SZT2: variants seen among roughly 807,000 people sequenced by gnomAD.
The protein encoded by SZT2 is SZT2 subunit of KICSTOR complex.
Under a neutral mutation model 404.2 loss-of-function variants are expected in SZT2, and 216 were observed. The ratio of observed to expected loss-of-function variants is 0.53; its 90% confidence interval spans 0.48 to 0.60. SZT2 has a LOEUF of 0.60. Among genes scored for constraint, SZT2 ranks in the 20% least tolerant of loss-of-function variants. SZT2 has a pLI of 0.00. For synonymous variants in SZT2, 1,693 were observed against 1,749.9 expected (o/e 0.97, Z 0.81); for missense variants, 3,857 against 4,459.2 (o/e 0.86, Z 3.85).
At position 43,443,425 on chromosome 1, in the gene SZT2, C is replaced by T; in HGVS notation, c.8573C>T (p.Pro2858Leu). Residue 2858 changes from proline (P) to leucine (L), a missense_variant, in exon 61 of 72, where the codon CCA (proline) becomes CTA (leucine). Physicochemically the swap from Pro to Leu is moderately conservative, Grantham distance 98. Around this residue, in one of 7 missense-constraint regions of SZT2, gnomAD observed 717 missense variants for 868.2 expected, o/e 0.83. Transcript: ENST00000634258. ...HYCATAMLFD[P>L]AAWLHGPPET... ...TGTGCAACAGCCATGCTCTTCGACCCAGCTGCCTGGCTGCATGGGCCCCCA... is the reference window on the plus strand; with the variant it reads ...TGTGCAACAGCCATGCTCTTCGACCTAGCTGCCTGGCTGCATGGGCCCCCA... The T allele has an allele frequency of 6.2e-7, 1 of 1,614,222 alleles. No individual in the cohort carries two copies. Among genetic ancestry groups the T allele is most frequent in the Non-Finnish European group, 8.5e-7 (1 of 1,180,030 alleles).
At position 43,451,533 on chromosome 1, in the gene SZT2, C is replaced by T. The variant is rs749461654; in HGVS notation, c.*1053C>T. On this transcript the variant is annotated 3_prime_UTR_variant, in exon 72 of 72. Coordinates refer to ENST00000634258, the MANE Select transcript of SZT2 (RefSeq NM_001365999.1). The stretch of plus-strand genomic sequence containing the variant: ...TCCCCTCGGCCTGGGACCTGTGCCA[C>T]CTGCACATGCCCTGGGGACAGATGT... 1.9e-6 allele frequency: 3 copies of T among 1,614,042 alleles called. No individual in the cohort carries two copies. Among genetic ancestry groups the T allele is most frequent in the South Asian group, 1.1e-5 (1 of 91,070 alleles).
rs774344645 is a variant in SZT2, at chr1:43,450,946, C to G, written c.*466C>G. 1.3e-6 allele frequency: 1 copy of G among 759,310 alleles called. No homozygotes were observed. Among genetic ancestry groups the G allele is most frequent in the Admixed American group, 1.7e-5 (1 of 58,814 alleles). 47.0% of individuals were successfully genotyped at this position (759,310 alleles called of 1,614,324 possible). On this transcript the variant is annotated 3_prime_UTR_variant, in exon 72 of 72. Transcript: ENST00000634258. The surrounding 1 kb of genome is among the most constrained non-coding windows in gnomAD (Gnocchi z 4.3). ...ATCGAGATGACACCTGGGTTCCAAT[C>G]CCAGCTCTGCCTTTGAAGCACTTGT...
chr1:43,434,922 C>T (rs981400008), intron 41 of SZT2, among the ~76,000 whole-genome samples: 2 of 152,204 alleles, frequency 1.3e-5, no homozygotes, highest in Non-Finnish European at 2.9e-5. Flanking sequence ...GGGATCTGAC[C>T]ATCTGAAGTA....
Position 43,423,205 on chromosome 1 carries a change from G to A in SZT2, c.2144G>A (p.Gly715Asp). 6.3e-7 allele frequency: 1 copy of A among 1,597,372 alleles called. No individual in the cohort carries two copies. Among genetic ancestry groups the A allele is most frequent in the East Asian group, 2.2e-5 (1 of 44,866 alleles). The change falls in exon 15 of 72, where the codon GGT becomes GAT. Residue 715 changes from glycine to aspartate, a missense_variant. Gly to Asp is a moderately conservative substitution (Grantham distance 94). Coordinates refer to ENST00000634258, the MANE Select transcript of SZT2 (RefSeq NM_001365999.1). ...AAACGAAAAGGGCTAGGGGGTGCTG[G>A]TGGGGGCAGCTCTCCCTCCAAGTCA... ...KVKRKGLGGAGGGSSPSKSPP... is the reference protein window; with the variant it reads ...KVKRKGLGGADGGSSPSKSPP...
At chr1:43,431,599 T>C (rs1653894165) in intron 35 of SZT2, 76 bp downstream of exon 35, 2 of 1,606,430 alleles carry the variant, frequency 1.2e-6, no homozygotes, top group Non-Finnish European at 8.5e-7. Context: ...CCCTTTGTTC[T>C]GGGATAGAAG....
chr1:43,400,052 C>T (rs1323800368), intron 1 of SZT2, among the ~76,000 whole-genome samples: 2 of 152,048 alleles, frequency 1.3e-5, no homozygotes, highest in African/African-American at 4.8e-5. Flanking sequence ...GATCCTCCCA[C>T]CTCAATCTCC....
rs771790051 is a variant in SZT2 at position 43,430,555 on chromosome 1, C to A, written c.4540C>A (p.Arg1514=). 6.2e-7 allele frequency: 1 copy of A among 1,614,170 alleles called. No individual in the cohort carries two copies. Among genetic ancestry groups the A allele is most frequent in the African/African-American group, 1.3e-5 (1 of 75,048 alleles). ...ESDPELEVEY[R]ESRESDLGPA... is the part of the protein sequence containing the mutation. ...TGACCCAGAGCTAGAGGTAGAATAC[C>A]GGGAGAGCCGTGAATCAGACCTGGG... Residue 1514 remains arginine, a synonymous_variant, in exon 32 of 72, where the codon CGG becomes AGG. Transcript: ENST00000634258.
Position 43,448,405 on chromosome 1 carries a change from G to A in SZT2, c.9890G>A (p.Gly3297Glu). Residue 3297 changes from glycine to glutamate, a missense_variant, in exon 69 of 72, where the codon GGG becomes GAG. Coordinates refer to ENST00000634258, the MANE Select transcript of SZT2 (RefSeq NM_001365999.1). The surrounding 1 kb of genome is among the most constrained non-coding windows in gnomAD (Gnocchi z 4.2). ...GGGCCTGATCGACTGCGGCTAGGGG[G>A]GCGCCTGGCCCTGGCAGAGCTGGAG... ...PPGPDRLRLG[G>E]RLALAELEEL... 1.3e-6 allele frequency: 2 copies of A among 1,581,678 alleles called. No homozygotes were observed. Among genetic ancestry groups the A allele is most frequent in the Non-Finnish European group, 8.6e-7 (1 of 1,163,886 alleles).
At position 43,453,598 on chromosome 1, in the gene SZT2, G is replaced by A; in HGVS notation, c.*3118G>A. The A allele has an allele frequency of 2.0e-6, 3 of 1,526,168 alleles. No homozygotes were observed. The highest frequency in any genetic ancestry group is 2.6e-6 in the Non-Finnish European group (3 of 1,136,892). 94.5% of individuals were successfully genotyped at this position (1,526,168 alleles called of 1,614,324 possible). On this transcript the variant is annotated 3_prime_UTR_variant, in exon 72 of 72. Transcript: ENST00000634258. ...GCCCTCCCGGCCCGCGACGCACCCG[G>A]GGGCGTGTTGATCAGTACAAGCCGC...
At position 43,431,802 on chromosome 1, in the gene SZT2, C is replaced by A. The variant is rs770304459; in HGVS notation, c.5175C>A (p.Ala1725=). ...GTCCTGCCCTGCACCGCGCAGCTGCCCATATCCATAGTTCTCCTGGACGCT... is the reference window on the plus strand; with the variant it reads ...GTCCTGCCCTGCACCGCGCAGCTGCACATATCCATAGTTCTCCTGGACGCT... ...PQSPALHRAA[A]HIHSSPGRST... The change falls in exon 36 of 72, where the codon GCC becomes GCA. Residue 1725 remains alanine (A), a synonymous_variant. Transcript: ENST00000634258. The A allele has an allele frequency of 1.9e-6, 3 of 1,614,068 alleles. No homozygotes were observed. The African/African-American group carries it at 4.0e-5, about 22-fold the overall frequency.
intron 64 of SZT2, 41 bp downstream of exon 64, chr1:43,446,300 C>T (rs900431746): frequency 6.2e-7 from 1 of 1,614,084 alleles, no homozygotes; most frequent in African/African-American, 1.3e-5. Context: ...CCAGACCCAC[C>T]TGTCTCTCGC....
In SZT2 at chr1:43,447,842, T is replaced by C; in HGVS notation, c.9441-7T>C. ...GAGTTGACATCTCCCCAACCCGTCC[T>C]GCACAGTTCTGGCTCCTACCTGGAC... On this transcript the variant is annotated splice_polypyrimidine_tract_variant and splice_region_variant and intron_variant, in intron 67 of 71. Transcript: ENST00000634258. 1 of 1,614,064 alleles carries C rather than the reference T, an allele frequency of 6.2e-7. No individual in the cohort carries two copies. The highest frequency in any genetic ancestry group is 1.6e-4 in the Middle Eastern group (1 of 6,062).
At chr1:43,407,214 T>C (rs1038069878) in intron 4 of SZT2, among the ~76,000 whole-genome samples, 1 of 152,068 alleles carries the variant, frequency 6.6e-6, no homozygotes, top group African/African-American at 2.4e-5. Context: ...TCCCTCAAGA[T>C]GTATCCTGGC....
At position 43,432,994 on chromosome 1, in the gene SZT2, G is replaced by A; in HGVS notation, c.5608G>A (p.Asp1870Asn). Residue 1870 changes from aspartate (D) to asparagine (N), a missense_variant, in exon 40 of 72, where the codon GAT (aspartate) becomes AAT (asparagine). Asp to Asn is a conservative substitution (Grantham distance 23). This residue lies in a region of SZT2 where 1,725 missense variants were observed against 1,881.0 expected (regional missense o/e 0.92). Coordinates refer to ENST00000634258, the MANE Select transcript of SZT2 (RefSeq NM_001365999.1). Reference protein sequence around the residue: ...GSVDSDHLGYDGGSSGSDSEG... With the variant: ...GSVDSDHLGYNGGSSGSDSEG... ...CTTCAATGCATCTGACACAGGTTAT[G>A]ATGGTGGCAGCAGTGGCTCAGACAG... is the stretch of plus-strand genomic sequence containing the variant. The A allele has an allele frequency of 6.2e-7, 1 of 1,614,054 alleles. No homozygotes were observed. The highest frequency in any genetic ancestry group is 8.5e-7 in the Non-Finnish European group (1 of 1,180,024).
At chr1:43,402,108 A>G (rs915353187) in intron 1 of SZT2, among the ~76,000 whole-genome samples, 10 of 152,216 alleles carry the variant, frequency 6.6e-5, no homozygotes, top group African/African-American at 2.4e-4. Flanking sequence ...CTCAACAGGT[A>G]GTTATTAACT....
chr1:43,422,072 C>T lies in SZT2; in HGVS notation c.1627-11C>T, dbSNP rs374257034. Reference sequence around the variant, plus strand: ...CAAATGCTCCTATAGTGCTGTCCTTCCTGTCCTCAGGTGCTCTCCCTCCAG... The same window carrying T: ...CAAATGCTCCTATAGTGCTGTCCTTTCTGTCCTCAGGTGCTCTCCCTCCAG... On this transcript the variant is annotated splice_polypyrimidine_tract_variant and intron_variant, in intron 11 of 71. Transcript: ENST00000634258. 114 of 1,591,610 alleles carry T rather than the reference C, an allele frequency of 7.2e-5. No individual in the cohort carries two copies. The highest frequency in any genetic ancestry group is 8.9e-5 in the Non-Finnish European group (105 of 1,174,740).
chr1:43,439,364 C>G lies in SZT2; in HGVS notation c.6799C>G (p.Leu2267Val). 1.2e-6 allele frequency: 2 copies of G among 1,614,070 alleles called. No homozygotes were observed. The highest frequency in any genetic ancestry group is 1.7e-6 in the Non-Finnish European group (2 of 1,180,004). ...GTGGCTGTTCTTTCCCCAGCATCCA[C>G]TCCCACCACAGGGTGGCCTCCCTGA... ...SNSRNHFQHP[L>V]PPQGGLPDLD... The change falls in exon 49 of 72, where the codon CTC (leucine) becomes GTC (valine). Residue 2267 changes from leucine to valine, a missense_variant. Around this residue, in one of 7 missense-constraint regions of SZT2, gnomAD observed 261 missense variants for 372.9 expected, o/e 0.70. Transcript: ENST00000634258. This position sits in a 1 kb window ranked among gnomAD's most constrained non-coding sequence, Gnocchi z 4.2.
Position 43,451,199 on chromosome 1 carries a change from C to CA in SZT2, c.*720dup, listed in dbSNP as rs2153937656. On this transcript the variant is annotated 3_prime_UTR_variant, in exon 72 of 72. Coordinates refer to ENST00000634258, the MANE Select transcript of SZT2 (RefSeq NM_001365999.1). ...TAATGCAGAGGAGGAGATGGGATGT[C>CA]ACTCGCTGTCTGGAGGCACGTGGGT... 2 of 1,579,842 alleles carry CA rather than the reference C, an allele frequency of 1.3e-6. No homozygotes were observed. Among genetic ancestry groups the CA allele is most frequent in the East Asian group, 4.5e-5 (2 of 44,720 alleles).
intron 7 of SZT2, among the ~76,000 whole-genome samples, chr1:43,417,264 A>G (rs12405532): frequency 0.21 from 31,937 of 152,030 alleles, 3,561 homozygotes; most frequent in East Asian, 0.41. Flanking sequence ...ATCAGGGCTT[A>G]AATTAGGGGT....
Sources: allele counts gnomAD v4.1 joint callset (sites outside exome capture counted in the v4.1 genomes callset), GRCh38; gene constraint gnomAD v4.1.1; regional missense constraint gnomAD v4.1.1; non-coding constraint Gnocchi (gnomAD v3.1); transcripts MANE v1.5; gene names NCBI Gene and HGNC (gene_info 2026-07-23, HGNC 2026-07-21).